The following CORIN variants were observed in gnomAD, a reference collection of about 807,000 sequenced individuals.
CORIN encodes corin, serine peptidase.
In CORIN, 117 loss-of-function variants were observed where a neutral mutation model predicts 125.3. The observed-to-expected ratio is 0.93, with a 90% CI of 0.80 to 1.09. CORIN has a LOEUF of 1.09. Among genes scored for constraint, CORIN ranks in the 50% least tolerant of loss-of-function variants. The probability of loss-of-function intolerance (pLI) is 0.00; values close to 1 mark genes in which losing one functional copy is unlikely to be tolerated. For synonymous variants in CORIN, 450 were observed against 466.4 expected, an observed-to-expected ratio of 0.96 and a Z score of 0.45; for missense variants, 1,253 against 1,306.7, an observed-to-expected ratio of 0.96 and a Z score of 0.63.
intron 3 of CORIN, among the ~76,000 whole-genome samples, chr4:47,768,712 G>A (rs910135030): frequency 1.3e-5 from 2 of 152,146 alleles, no homozygotes; most frequent in Non-Finnish European, 2.9e-5. Flanking sequence ...TTAATAGAAT[G>A]AAAGACAAAA....
At chr4:47,618,477 C>T (rs1319743884) in intron 19 of CORIN, among the ~76,000 whole-genome samples, 1 of 151,820 alleles carries the variant, frequency 6.6e-6, no homozygotes, top group Non-Finnish European at 1.5e-5. Flanking sequence ...AGTGAAAAGA[C>T]TGAAGTGAGA....
intron 2 of CORIN, among the ~76,000 whole-genome samples, chr4:47,805,148 A>AAAAAAAATAATAAT (rs796469224): frequency 1.0e-4 from 13 of 129,164 alleles, no homozygotes; most frequent in African/African-American, 3.8e-4. Flanking sequence ...AAAAAAAAAA[A>AAAAAAAATAATAAT]AATAATAATA....
intron 3 of CORIN, among the ~76,000 whole-genome samples, chr4:47,775,587 T>C (rs1313531844): frequency 6.6e-6 from 1 of 152,154 alleles, no homozygotes; most frequent in East Asian, 1.9e-4. Flanking sequence ...ATGGTGTATA[T>C]ATGCCACATT....
intron 4 of CORIN, among the ~76,000 whole-genome samples, chr4:47,756,398 C>T (rs1729149710): frequency 6.6e-6 from 1 of 152,196 alleles, no homozygotes; most frequent in Admixed American, 6.5e-5. Context: ...CTTTCAAGCG[C>T]ATTCTCTGCA....
At chr4:47,714,066 G>A (rs1479950993) in intron 5 of CORIN, among the ~76,000 whole-genome samples, 1 of 152,062 alleles carries the variant, frequency 6.6e-6, no homozygotes, top group East Asian at 1.9e-4. Flanking sequence ...CTGGGTTCAA[G>A]CACCAGCTCT....
At chr4:47,822,381 GAGA>G (rs1663350173) in intron 1 of CORIN, among the ~76,000 whole-genome samples, 1 of 152,144 alleles carries the variant, frequency 6.6e-6, no homozygotes, top group African/African-American at 2.4e-5. Context: ...CCATTAAAAT[GAGA>G]AGATTACATT....
intron 4 of CORIN, among the ~76,000 whole-genome samples, chr4:47,751,602 T>C (rs986082584): frequency 2.0e-5 from 3 of 152,188 alleles, no homozygotes; most frequent in African/African-American, 2.4e-5. Flanking sequence ...AAAATTAATT[T>C]CAGCAGTTAC....
chr4:47,786,666 C>A (rs373804726), intron 3 of CORIN, 59 bp downstream of exon 3: 13 of 1,399,210 alleles, frequency 9.3e-6, no homozygotes, highest in African/African-American at 1.4e-5. Context: ...GGTTGCCAAA[C>A]TTAAAAACCT....
intron 11 of CORIN, among the ~76,000 whole-genome samples, chr4:47,664,277 A>T (rs1158594346): frequency 5.9e-5 from 9 of 152,230 alleles, no homozygotes; most frequent in Admixed American, 5.9e-4. Flanking sequence ...CTGTGCTATC[A>T]TCATAGCTAT....
chr4:47,695,618 G>A (rs970214661), intron 5 of CORIN, among the ~76,000 whole-genome samples: 2 of 152,152 alleles, frequency 1.3e-5, no homozygotes, highest in African/African-American at 4.8e-5. Context: ...TGGAAGTGTG[G>A]CTGTCCTTGG....
chr4:47,659,673 G>T (rs1724157367), intron 12 of CORIN, among the ~76,000 whole-genome samples: 1 of 152,084 alleles, frequency 6.6e-6, no homozygotes, highest in African/African-American at 2.4e-5. Context: ...CAATCACAAG[G>T]GATCTGCCCC....
chr4:47,807,725 T>C (rs1264900289), intron 1 of CORIN, among the ~76,000 whole-genome samples: 2 of 152,212 alleles, frequency 1.3e-5, no homozygotes, highest in East Asian at 3.8e-4. Context: ...CAGATAAAGT[T>C]CTTGTCTTCA....
At chr4:47,809,317 A>C (rs1429650988) in intron 1 of CORIN, among the ~76,000 whole-genome samples, 1 of 151,348 alleles carries the variant, frequency 6.6e-6, no homozygotes, top group Non-Finnish European at 1.5e-5. Context: ...TCATCTAAGT[A>C]GATATCAAGT....
intron 5 of CORIN, among the ~76,000 whole-genome samples, chr4:47,721,207 C>G (rs941713719): frequency 1.3e-5 from 2 of 151,954 alleles, no homozygotes; most frequent in Non-Finnish European, 2.9e-5. Context: ...CGCTCTATCT[C>G]TTACTCTTCT....
chr4:47,792,047 TG>T (rs1405058355), intron 2 of CORIN, among the ~76,000 whole-genome samples: 1 of 152,316 alleles, frequency 6.6e-6, no homozygotes, highest in East Asian at 1.9e-4. Context: ...CAGGAAAGCC[TG>T]TTTAGAGACG....
chr4:47,736,356 G>A (rs1479168303), intron 5 of CORIN, among the ~76,000 whole-genome samples: 1 of 152,170 alleles, frequency 6.6e-6, no homozygotes, highest in Non-Finnish European at 1.5e-5. Flanking sequence ...CCCCTGTCAA[G>A]TACAACTAGA....
At chr4:47,721,927 G>A (rs954443683) in intron 5 of CORIN, among the ~76,000 whole-genome samples, 2 of 152,154 alleles carry the variant, frequency 1.3e-5, no homozygotes, top group Non-Finnish European at 2.9e-5. Flanking sequence ...ATATTCACCA[G>A]AGTGCAGCAT....
chr4:47,608,922 C>A (rs1322242378), intron 19 of CORIN, among the ~76,000 whole-genome samples: 1 of 152,178 alleles, frequency 6.6e-6, no homozygotes, highest in African/African-American at 2.4e-5. Flanking sequence ...TTAAAGATTT[C>A]TATCTTTATC....
intron 13 of CORIN, among the ~76,000 whole-genome samples, chr4:47,649,552 G>A (rs1723648274): frequency 6.6e-6 from 1 of 152,220 alleles, no homozygotes. Context: ...CATGTTATAA[G>A]CATTCCAAGC....
Sources: allele counts gnomAD v4.1 joint callset (sites outside exome capture counted in the v4.1 genomes callset), GRCh38; gene constraint gnomAD v4.1.1; transcripts MANE v1.5; gene names NCBI Gene and HGNC (gene_info 2026-07-23, HGNC 2026-07-21).